CRTAP: variants seen among roughly 807,000 people sequenced by gnomAD.
CRTAP encodes the protein cartilage associated protein.
Under a neutral mutation model 42.7 loss-of-function variants are expected in CRTAP, and 33 were observed. The observed-to-expected ratio is 0.77, with a 90% CI of 0.59 to 1.03. CRTAP has a LOEUF of 1.03. CRTAP is among the 50% of genes least tolerant of loss of function. The probability of loss-of-function intolerance (pLI) is 0.00; values close to 1 mark genes in which losing one functional copy is unlikely to be tolerated. For missense variants in CRTAP, 613 were observed against 533.9 expected (o/e 1.15, Z -1.46); for synonymous variants, 243 against 217.7 (o/e 1.12, Z -1.02).
rs775904940 is a variant in CRTAP at position 33,114,140 on chromosome 3, G to C, written c.63G>C (p.Leu21=). The C allele has an allele frequency of 1.0e-5, 16 of 1,572,140 alleles. No individual in the cohort carries two copies. The highest frequency in any genetic ancestry group is 1.8e-5 in the Admixed American group (1 of 57,138). Residue 21 remains leucine, a synonymous_variant, in exon 1 of 7, where the codon CTG becomes CTC. Coordinates refer to ENST00000320954, the MANE Select transcript of CRTAP (RefSeq NM_006371.5). ...LLALLCVACA[L]RAGRAQYERY... is the part of the protein sequence containing the mutation. ...CGCTGCTGTGCGTGGCCTGCGCGCT[G>C]CGCGCCGGGCGCGCCCAATACGAAC...
chr3:33,125,781 C>A (rs1297179824), intron 3 of CRTAP, among the ~76,000 whole-genome samples: 1 of 152,088 alleles, frequency 6.6e-6, no homozygotes, highest in African/African-American at 2.4e-5. Context: ...CAAACTATTA[C>A]CCCTGTAAGA....
intron 3 of CRTAP, 70 bp downstream of exon 3, chr3:33,124,649 C>T: frequency 1.3e-6 from 2 of 1,577,136 alleles, no homozygotes; most frequent in Non-Finnish European, 1.7e-6. Context: ...TTTCTGCCTG[C>T]ATGCCTGCTA....
At chr3:33,128,732 G>T (rs1193106193) in intron 3 of CRTAP, among the ~76,000 whole-genome samples, 1 of 152,114 alleles carries the variant, frequency 6.6e-6, no homozygotes, top group African/African-American at 2.4e-5. Flanking sequence ...GTATCATTTT[G>T]TACTTCCTAC....
chr3:33,123,765 G>T (rs929948273), intron 2 of CRTAP, among the ~76,000 whole-genome samples: 3 of 151,662 alleles, frequency 2.0e-5, no homozygotes, highest in African/African-American at 7.3e-5. Context: ...GAGTAGCTGG[G>T]ACTACAAGCA....
Position 33,119,333 on chromosome 3 carries a change from C to T in CRTAP, c.472-1011C>T, listed in dbSNP as rs897405456. On this transcript the variant is annotated intron_variant, in intron 1 of 6. Coordinates refer to ENST00000320954, the MANE Select transcript of CRTAP (RefSeq NM_006371.5). The stretch of plus-strand genomic sequence containing the variant: ...ATGAATGACACACAGCTGGGTCCCC[C>T]GAGGATCATAGTCTGATGGGGGAGA... 2.0e-4 allele frequency among the ~76,000 whole-genome samples: 30 copies of T among 152,100 alleles called. No individual in the cohort carries two copies. Among genetic ancestry groups the T allele is most frequent in the Admixed American group, 8.5e-4 (13 of 15,272 alleles).
intron 5 of CRTAP, among the ~76,000 whole-genome samples, chr3:33,133,036 C>CA (rs985489736): frequency 6.6e-6 from 1 of 150,792 alleles, no homozygotes; most frequent in Admixed American, 6.6e-5. Flanking sequence ...GAGATTGCGC[C>CA]AAAAAAAAGG....
Position 33,114,108 on chromosome 3 carries a change from C to A in CRTAP, c.31C>A (p.Leu11Met). 6.7e-7 allele frequency: 1 copy of A among 1,499,750 alleles called. No individual in the cohort carries two copies. Among genetic ancestry groups the A allele is most frequent in the African/African-American group, 1.4e-5 (1 of 69,204 alleles). The allele number at this position is 1,499,750 out of a possible 1,614,324, so 92.9% of individuals were successfully genotyped here. Reference protein sequence around the residue: MEPGRRGAAALLALLCVACAL... With the variant: MEPGRRGAAAMLALLCVACAL... ...GCCGGGGCGCCGGGGGGCCGCGGCG[C>A]TGCTAGCGCTGCTGTGCGTGGCCTG... The change falls in exon 1 of 7, where the codon CTG becomes ATG. Residue 11 changes from leucine to methionine, a missense_variant. Transcript: ENST00000320954.
chr3:33,139,691 TG>T (rs775071956), intron 6 of CRTAP, among the ~76,000 whole-genome samples: 9 of 152,284 alleles, frequency 5.9e-5, no homozygotes, highest in Non-Finnish European at 1.2e-4. Context: ...TTGGCCAGTC[TG>T]GTCTCGAACT....
intron 1 of CRTAP, among the ~76,000 whole-genome samples, chr3:33,116,258 C>T (rs1315654018): frequency 6.6e-6 from 1 of 152,100 alleles, no homozygotes; most frequent in Non-Finnish European, 1.5e-5. Context: ...CATGGTGGCC[C>T]CAAAAGGTTA....
In CRTAP at chr3:33,114,155, C is replaced by T; in HGVS notation, c.78C>T (p.Ala26=). The T allele has an allele frequency of 1.3e-6, 2 of 1,584,558 alleles. No homozygotes were observed. Among genetic ancestry groups the T allele is most frequent in the Non-Finnish European group, 1.7e-6 (2 of 1,173,598 alleles). ...CVACALRAGR[A]QYERYSFRSF... is the part of the protein sequence containing the mutation. Reference sequence around the variant, plus strand: ...CCTGCGCGCTGCGCGCCGGGCGCGCCCAATACGAACGCTACAGCTTCCGCA... The same window carrying T: ...CCTGCGCGCTGCGCGCCGGGCGCGCTCAATACGAACGCTACAGCTTCCGCA... Residue 26 remains alanine (A), a synonymous_variant, in exon 1 of 7, where the codon GCC becomes GCT. Coordinates refer to ENST00000320954, the MANE Select transcript of CRTAP (RefSeq NM_006371.5).
At position 33,120,462 on chromosome 3, in the gene CRTAP, A is replaced by C. The variant is rs771364390; in HGVS notation, c.590A>C (p.Tyr197Ser). 6.2e-7 allele frequency: 1 copy of C among 1,610,704 alleles called. No homozygotes were observed. The highest frequency in any genetic ancestry group is 1.3e-5 in the African/African-American group (1 of 74,848). Residue 197 changes from tyrosine to serine, a missense_variant, in exon 2 of 7, where the codon TAC (tyrosine) becomes TCC (serine). Physicochemically the swap from Tyr to Ser is moderately radical, Grantham distance 144. Coordinates refer to ENST00000320954, the MANE Select transcript of CRTAP (RefSeq NM_006371.5). ...YYKSLPGAEDYIKDLETKSYE... is the reference protein window; with the variant it reads ...YYKSLPGAEDSIKDLETKSYE... ...AAGAGCCTGCCTGGTGCCGAGGACT[A>C]CATTAAAGACCTGGAAACCAAGTCA...
At position 33,142,892 on chromosome 3, in the gene CRTAP, G is replaced by A. The variant is rs1488921255; in HGVS notation, c.*444G>A. 4.9e-6 allele frequency: 1 copy of A among 205,112 alleles called. No homozygotes were observed. The highest frequency in any genetic ancestry group is 2.3e-5 in the African/African-American group (1 of 43,582). The allele number at this position is 205,112 out of a possible 1,614,324, so 12.7% of individuals were successfully genotyped here. A position where few individuals can be genotyped will look rare whatever the true frequency, so the allele number is the denominator to read the frequency against. ...TGGTCTCGAACTCTTGACTTCAGATGATCCATCTGCCTTGGCCTCCCACAG... is the reference window on the plus strand; with the variant it reads ...TGGTCTCGAACTCTTGACTTCAGATAATCCATCTGCCTTGGCCTCCCACAG... On this transcript the variant is annotated 3_prime_UTR_variant, in exon 7 of 7. Coordinates refer to ENST00000320954, the MANE Select transcript of CRTAP (RefSeq NM_006371.5).
intron 3 of CRTAP, among the ~76,000 whole-genome samples, chr3:33,126,675 T>G (rs577838125): frequency 6.6e-6 from 1 of 152,358 alleles, no homozygotes; most frequent in East Asian, 1.9e-4. Flanking sequence ...ACAGTTTATT[T>G]TGCCAAGTTA....
At chr3:33,142,197 A>T (rs184409581) in intron 6 of CRTAP, among the ~76,000 whole-genome samples, 198 bp from the exon 7 acceptor site, 1 of 152,284 alleles carries the variant, frequency 6.6e-6, no homozygotes, top group Admixed American at 6.5e-5. Context: ...AGCACTTGAT[A>T]CCAAGTTCAA....
intron 6 of CRTAP, among the ~76,000 whole-genome samples, chr3:33,135,600 C>G (rs1258406462): frequency 6.8e-6 from 1 of 148,126 alleles, no homozygotes; most frequent in Non-Finnish European, 1.5e-5. Context: ...GAGTAAGACC[C>G]TGCCTCAAAA....
At chr3:33,130,899 A>G (rs2030240881) in intron 4 of CRTAP, among the ~76,000 whole-genome samples, 2 of 152,100 alleles carry the variant, frequency 1.3e-5, no homozygotes, top group African/African-American at 2.4e-5. Context: ...AGAACGTTCT[A>G]GTGGACAATG....
chr3:33,139,840 A>G (rs1485295914), intron 6 of CRTAP, among the ~76,000 whole-genome samples: 1 of 152,176 alleles, frequency 6.6e-6, no homozygotes, highest in Admixed American at 6.5e-5. Context: ...ATCTATTGAG[A>G]TGGTCACATG....
Position 33,132,659 on chromosome 3 carries a change from GAC to G in CRTAP, c.1030_1031del (p.Thr344LeufsTer6), listed in dbSNP as rs2030301655. On this transcript the variant is annotated frameshift_variant, in exon 5 of 7. Transcript: ENST00000320954. LOFTEE classifies it high-confidence loss of function. The stretch of plus-strand genomic sequence containing the variant: ...CCTGGTGTATTACCAGTACCACAGG[GAC>G]ACTTGGGGCCTCTCGGATGAGCACT... ...QNLVYYQYHR[D>X]TWGLSDEHFQ... The G allele has an allele frequency of 6.2e-7, 1 of 1,613,992 alleles. No homozygotes were observed. The highest frequency in any genetic ancestry group is 8.5e-7 in the Non-Finnish European group (1 of 1,179,992).
At chr3:33,115,857 T>C (rs1301494382) in intron 1 of CRTAP, among the ~76,000 whole-genome samples, 1 of 152,112 alleles carries the variant, frequency 6.6e-6, no homozygotes, top group African/African-American at 2.4e-5. Context: ...GGGTTACTTC[T>C]ATACTTCTAT....
Sources: allele counts gnomAD v4.1 joint callset (sites outside exome capture counted in the v4.1 genomes callset), GRCh38; gene constraint gnomAD v4.1.1; transcripts MANE v1.5; gene names NCBI Gene and HGNC (gene_info 2026-07-23, HGNC 2026-07-21).